The following CACNA2D1 variants were observed in gnomAD, a reference collection of about 807,000 sequenced individuals.
CACNA2D1 encodes voltage-dependent calcium channel subunit alpha-2/delta-1.
In CACNA2D1, 53 loss-of-function variants were observed where a neutral mutation model predicts 171.5. That is an observed-to-expected ratio of 0.31 (90% CI 0.25 to 0.39). The LOEUF is 0.39. Ranked by LOEUF, CACNA2D1 falls within the 10% of genes least tolerant of loss-of-function variation. CACNA2D1 has a pLI of 1.00. For missense variants in CACNA2D1, 903 were observed against 1,299.8 expected (o/e 0.69, Z 4.69); for synonymous variants, 442 against 443.1 (o/e 1.00, Z 0.03).
chr7:82,053,559 T>G (rs1453924346), intron 10 of CACNA2D1, among the ~76,000 whole-genome samples: 1 of 151,976 alleles, frequency 6.6e-6, no homozygotes, highest in Non-Finnish European at 1.5e-5. Context: ...AACAAGTAAA[T>G]AAGTAACCAA....
At chr7:82,334,823 T>C (rs1045374789) in intron 3 of CACNA2D1, among the ~76,000 whole-genome samples, 1 of 152,132 alleles carries the variant, frequency 6.6e-6, no homozygotes, top group East Asian at 1.9e-4. Context: ...ATTATTATTA[T>C]GTATCATGAT....
chr7:82,413,441 C>T (rs1827872918), intron 1 of CACNA2D1, among the ~76,000 whole-genome samples: 2 of 152,198 alleles, frequency 1.3e-5, no homozygotes, highest in African/African-American at 4.8e-5. Flanking sequence ...ACTCTCATGA[C>T]CCACATCTCC....
At chr7:82,036,418 T>G (rs188619417) in intron 11 of CACNA2D1, among the ~76,000 whole-genome samples, 1 of 152,340 alleles carries the variant, frequency 6.6e-6, no homozygotes, top group Admixed American at 6.5e-5. Context: ...CTTCTGTGAT[T>G]TGTCTAAAAT....
At chr7:82,168,390 C>A (rs1220391761) in intron 4 of CACNA2D1, among the ~76,000 whole-genome samples, 2 of 152,102 alleles carry the variant, frequency 1.3e-5, no homozygotes, top group Non-Finnish European at 2.9e-5. Context: ...GTAATCCACC[C>A]ACCTTGGCCT....
At chr7:82,350,186 T>C (rs1007852106) in intron 1 of CACNA2D1, among the ~76,000 whole-genome samples, 1 of 152,232 alleles carries the variant, frequency 6.6e-6, no homozygotes, top group African/African-American at 2.4e-5. Flanking sequence ...ATATGATACA[T>C]ACTTTCCCAT....
At chr7:82,322,092 C>G (rs1043386024) in intron 3 of CACNA2D1, among the ~76,000 whole-genome samples, 7 of 121,864 alleles carry the variant, frequency 5.7e-5, no homozygotes, top group African/African-American at 2.2e-4. Context: ...CGCCACTGCA[C>G]TCCAGCCTGG....
intron 9 of CACNA2D1, among the ~76,000 whole-genome samples, chr7:82,061,747 C>T (rs943539476): frequency 2.0e-5 from 3 of 152,200 alleles, no homozygotes; most frequent in African/African-American, 7.2e-5. Flanking sequence ...TTTTCAAAGA[C>T]AGTTTGATGG....
At chr7:82,138,440 G>GTTTTTT (rs1423711232) in intron 4 of CACNA2D1, among the ~76,000 whole-genome samples, 3 of 95,350 alleles carry the variant, frequency 3.1e-5, no homozygotes, top group African/African-American at 1.1e-4. Flanking sequence ...TGTTTTTTTT[G>GTTTTTT]TTTTTTTTGT....
At chr7:82,369,551 G>A (rs1461390600) in intron 1 of CACNA2D1, among the ~76,000 whole-genome samples, 1 of 151,848 alleles carries the variant, frequency 6.6e-6, no homozygotes, top group Non-Finnish European at 1.5e-5. Flanking sequence ...ACAAGAAATT[G>A]TAAGAAGTTA....
intron 7 of CACNA2D1, among the ~76,000 whole-genome samples, chr7:82,077,898 A>C (rs1809198397): frequency 6.6e-6 from 1 of 152,162 alleles, no homozygotes; most frequent in African/African-American, 2.4e-5. Flanking sequence ...ATTTATGACT[A>C]AACTTTAAAA....
At chr7:82,237,643 A>G (rs932655954) in intron 3 of CACNA2D1, among the ~76,000 whole-genome samples, 13 of 152,146 alleles carry the variant, frequency 8.5e-5, no homozygotes, top group Middle Eastern at 3.4e-3. Context: ...ACACACATTA[A>G]GTATAAGCAT....
At chr7:82,347,988 C>T (rs1318779679) in intron 2 of CACNA2D1, among the ~76,000 whole-genome samples, 1 of 151,900 alleles carries the variant, frequency 6.6e-6, no homozygotes, top group African/African-American at 2.4e-5. Context: ...ATATTAACAC[C>T]AAAAGGAACA....
At chr7:82,102,706 C>G (rs1258665444) in intron 6 of CACNA2D1, among the ~76,000 whole-genome samples, 1 of 152,028 alleles carries the variant, frequency 6.6e-6, no homozygotes, top group Non-Finnish European at 1.5e-5. Context: ...AAGAGAGTTC[C>G]AGAGGGCCCT....
chr7:82,086,650 T>C (rs1431469419), intron 6 of CACNA2D1, among the ~76,000 whole-genome samples: 2 of 152,224 alleles, frequency 1.3e-5, no homozygotes, highest in Admixed American at 1.3e-4. Context: ...ATGACTTTTA[T>C]AGTAACATTC....
intron 3 of CACNA2D1, among the ~76,000 whole-genome samples, chr7:82,211,353 C>T (rs184069512): frequency 6.6e-6 from 1 of 152,200 alleles, no homozygotes; most frequent in Admixed American, 6.5e-5. Flanking sequence ...GACCCTCACC[C>T]TTCCCCCACC....
chr7:82,282,049 C>A (rs910668724), intron 3 of CACNA2D1, among the ~76,000 whole-genome samples: 3 of 152,132 alleles, frequency 2.0e-5, no homozygotes, highest in Admixed American at 1.3e-4. Flanking sequence ...GTAATCCCAG[C>A]ACTTTGGGAG....
intron 24 of CACNA2D1, among the ~76,000 whole-genome samples, chr7:81,978,786 C>G (rs1796133200): frequency 7.3e-6 from 1 of 136,280 alleles, no homozygotes; most frequent in African/African-American, 2.8e-5. Flanking sequence ...CACACACACA[C>G]TGTTCAAAAC....
chr7:82,302,404 T>G (rs116653703), intron 3 of CACNA2D1, among the ~76,000 whole-genome samples: 1 of 145,318 alleles, frequency 6.9e-6, no homozygotes, highest in African/African-American at 2.6e-5. Context: ...CTCCATGATT[T>G]CTAATTCTTT....
intron 6 of CACNA2D1, among the ~76,000 whole-genome samples, chr7:82,113,913 C>T (rs1164552026): frequency 6.6e-6 from 1 of 152,044 alleles, no homozygotes. Flanking sequence ...GATGAAGATG[C>T]CAATATTAAG....
Sources: allele counts gnomAD v4.1 joint callset (sites outside exome capture counted in the v4.1 genomes callset), GRCh38; gene constraint gnomAD v4.1.1; transcripts MANE v1.5; gene names NCBI Gene and HGNC (gene_info 2026-07-23, HGNC 2026-07-21).